Variants in ERBB4 observed in about 807,000 individuals in gnomAD.
ERBB4 encodes erb-b2 receptor tyrosine kinase 4, also known as receptor tyrosine-protein kinase erbB-4.
A neutral mutation model predicts 158.0 loss-of-function variants in ERBB4; 42 were observed. That is an observed-to-expected ratio of 0.27 (90% CI 0.21 to 0.34). The LOEUF is 0.34. ERBB4 is among the 10% of genes least tolerant of loss of function. The pLI, the probability that ERBB4 is intolerant of heterozygous loss-of-function variation, is 1.00. For synonymous variants in ERBB4, 583 were observed against 558.7 expected (o/e 1.04, Z -0.61); for missense variants, 1,333 against 1,624.1 (o/e 0.82, Z 3.08).
In ERBB4 at chr2:211,826,837, G is replaced by T. The variant is rs78192720; in HGVS notation, c.422-38678C>A. Among the ~76,000 whole-genome samples the T allele has an allele frequency of 2.9e-3, 444 of 152,074 alleles. 3 individuals carry two copies. Among genetic ancestry groups the T allele is most frequent in the African/African-American group, 0.01 (417 of 41,530 alleles). ...TCTGCATTTATCAAAACATTTTAAT[G>T]ACATATTTTACTTAAGGCAATCCTT... On this transcript the variant is annotated intron_variant, in intron 3 of 27. Transcript: ENST00000342788.
At chr2:211,487,165 G>C (rs1161428183) in intron 20 of ERBB4, among the ~76,000 whole-genome samples, 1 of 116,038 alleles carries the variant, frequency 8.6e-6, no homozygotes, top group East Asian at 2.5e-4. Context: ...CCCCACAACA[G>C]GCCCACGTGT....
At chr2:211,419,483 CTTAGATTAAGAGAAAAGAAT>C (rs142897373) in intron 25 of ERBB4, among the ~76,000 whole-genome samples, 4,859 of 152,106 alleles carry the variant, frequency 0.032, 250 homozygotes, top group African/African-American at 0.11. Context: ...TGATAATGTT[CTTAGATTAAGAGAAAAGAAT>C]TATCTTCTAG....
chr2:212,383,880 C>A (rs2090590178), intron 1 of ERBB4, among the ~76,000 whole-genome samples: 1 of 151,772 alleles, frequency 6.6e-6, no homozygotes, highest in Non-Finnish European at 1.5e-5. Context: ...ATTTTAAGGA[C>A]CACAGTTTTA....
intron 20 of ERBB4, among the ~76,000 whole-genome samples, chr2:211,491,558 A>G (rs2065343767): frequency 6.6e-6 from 1 of 152,114 alleles, no homozygotes; most frequent in African/African-American, 2.4e-5. Context: ...AAAACTACGT[A>G]CATCATTAAA....
At chr2:212,283,472 A>G (rs1574594105) in intron 1 of ERBB4, among the ~76,000 whole-genome samples, 1 of 152,164 alleles carries the variant, frequency 6.6e-6, no homozygotes, top group Middle Eastern at 3.4e-3. Flanking sequence ...TATTACTGGC[A>G]GAATGCAAAT....
At chr2:211,993,241 G>T (rs2082121556) in intron 2 of ERBB4, among the ~76,000 whole-genome samples, 1 of 152,118 alleles carries the variant, frequency 6.6e-6, no homozygotes, top group East Asian at 1.9e-4. Context: ...TAACCCAAGG[G>T]GATTGATGTC....
intron 3 of ERBB4, among the ~76,000 whole-genome samples, chr2:211,800,932 T>C (rs1365954022): frequency 6.6e-6 from 1 of 152,222 alleles, no homozygotes; most frequent in Non-Finnish European, 1.5e-5. Context: ...AAAGCTCTGC[T>C]TTAATGAATA....
rs1212991720 is a variant in ERBB4, at chr2:211,380,250, CT to C, written c.*3364del. 4.3e-6 allele frequency: 1 copy of C among 232,300 alleles called. No homozygotes were observed. The highest frequency in any genetic ancestry group is 2.2e-5 in the African/African-American group (1 of 45,380). The allele number at this position is 232,300 out of a possible 1,614,324, so 14.4% of individuals were successfully genotyped here. A position where few individuals can be genotyped will look rare whatever the true frequency, so the allele number is the denominator to read the frequency against. ...CAGGAGCTGCTTGGTAGTCTAACAC[CT>C]TTTGTGGTGCAGATGCTTTGTGGTT... is the stretch of plus-strand genomic sequence containing the variant. On this transcript the variant is annotated 3_prime_UTR_variant, in exon 28 of 28. Coordinates refer to ENST00000342788, the MANE Select transcript of ERBB4 (RefSeq NM_005235.3).
chr2:211,413,134 C>A (rs112999390), intron 25 of ERBB4, among the ~76,000 whole-genome samples: 35 of 151,078 alleles, frequency 2.3e-4, no homozygotes, highest in African/African-American at 8.0e-4. Context: ...TGTCTTCACA[C>A]AAAAAAATGT....
At chr2:211,799,752 T>C (rs1428654923) in intron 3 of ERBB4, among the ~76,000 whole-genome samples, 1 of 152,192 alleles carries the variant, frequency 6.6e-6, no homozygotes, top group Non-Finnish European at 1.5e-5. Flanking sequence ...GTGTCTGCCA[T>C]GCAACACATG....
At position 211,712,160 on chromosome 2, in the gene ERBB4, G is replaced by A. The variant is rs2073725317; in HGVS notation, c.1014C>T (p.Gly338=). ...TCTGAGCTGACATCAATGATCCTGT[G>A]CCAATGCCATCACAAGCTGTAGAAA... ...DICPKACDGI[G]TGSLMSAQTV... The change falls in exon 9 of 28, where the codon GGC becomes GGT. Residue 338 remains glycine, a synonymous_variant. Transcript: ENST00000342788. The A allele has an allele frequency of 6.2e-7, 1 of 1,613,232 alleles. No individual in the cohort carries two copies. Among genetic ancestry groups the A allele is most frequent in the South Asian group, 1.1e-5 (1 of 91,066 alleles).
At chr2:211,835,627 ACAT>A (rs1193573970) in intron 3 of ERBB4, among the ~76,000 whole-genome samples, 1 of 152,038 alleles carries the variant, frequency 6.6e-6, no homozygotes, top group Admixed American at 6.6e-5. Flanking sequence ...TTAATGAAAA[ACAT>A]CATTTCCACT....
intron 2 of ERBB4, among the ~76,000 whole-genome samples, chr2:211,979,096 T>C (rs1200648525): frequency 6.6e-6 from 1 of 152,086 alleles, no homozygotes; most frequent in Admixed American, 6.6e-5. Flanking sequence ...CAACTCCCTC[T>C]TCCTTAACAC....
rs116325328 is a variant in ERBB4, at chr2:212,014,847, C to T, written c.235-67231G>A. 9.1e-3 allele frequency among the ~76,000 whole-genome samples: 1,379 copies of T among 151,220 alleles called. 16 individuals carry two copies. The highest frequency in any genetic ancestry group is 0.032 in the African/African-American group (1,318 of 41,176). On this transcript the variant is annotated intron_variant, in intron 2 of 27. Coordinates refer to ENST00000342788, the MANE Select transcript of ERBB4 (RefSeq NM_005235.3). ...ATGTACATAATATTGTTTACTTGTG[C>T]ACCCTTTATTGGCATCTAGCTTGTA...
intron 1 of ERBB4, among the ~76,000 whole-genome samples, chr2:212,126,394 A>G (rs1265598964): frequency 7.2e-6 from 1 of 138,586 alleles, no homozygotes; most frequent in East Asian, 2.2e-4. Context: ...TGGGAGGAGG[A>G]GGTTGCAGTG....
intron 2 of ERBB4, among the ~76,000 whole-genome samples, chr2:211,958,776 T>A (rs1035155269): frequency 6.6e-6 from 1 of 152,116 alleles, no homozygotes; most frequent in Non-Finnish European, 1.5e-5. Flanking sequence ...TTTCTAAGGT[T>A]TATTTATGAG....
rs560564905 is a variant in ERBB4 at position 212,324,935 on chromosome 2, G to A, written c.83-200032C>T. On this transcript the variant is annotated intron_variant, in intron 1 of 27. Coordinates refer to ENST00000342788, the MANE Select transcript of ERBB4 (RefSeq NM_005235.3). ...TCATAAAGAAAAGTACACAAGTCAC[G>A]ATTATACAGTTTAATGAGTAAACAC... Among the ~76,000 whole-genome samples the A allele has an allele frequency of 9.3e-5, 14 of 150,250 alleles. 1 individual carries two copies. Among genetic ancestry groups the A allele is most frequent in the Non-Finnish European group, 1.6e-4 (11 of 67,036 alleles).
chr2:211,989,592 C>G (rs1235775459), intron 2 of ERBB4, among the ~76,000 whole-genome samples: 1 of 151,658 alleles, frequency 6.6e-6, no homozygotes, highest in Non-Finnish European at 1.5e-5. Flanking sequence ...CATTGAAACT[C>G]TTTTACCAAG....
intron 3 of ERBB4, among the ~76,000 whole-genome samples, chr2:211,795,260 A>C (rs2076358823): frequency 6.6e-6 from 1 of 151,880 alleles, no homozygotes; most frequent in Admixed American, 6.6e-5. Flanking sequence ...GATAAAATAA[A>C]GCTCATAATC....
Sources: allele counts gnomAD v4.1 joint callset (sites outside exome capture counted in the v4.1 genomes callset), GRCh38; gene constraint gnomAD v4.1.1; transcripts MANE v1.5; gene names NCBI Gene and HGNC (gene_info 2026-07-23, HGNC 2026-07-21).